The following EYS variants were observed in gnomAD, a reference collection of about 807,000 sequenced individuals.
The protein encoded by EYS is protein eyes shut homolog.
Under a neutral mutation model 282.1 loss-of-function variants are expected in EYS, and 250 were observed. That is an observed-to-expected ratio of 0.89 (90% CI 0.80 to 0.98). EYS has a LOEUF of 0.98. EYS is among the 50% of genes least tolerant of loss of function. The pLI is 0.00. For synonymous variants in EYS, 1,355 were observed against 1,282.9 expected, an observed-to-expected ratio of 1.06 and a Z score of -1.20; for missense variants, 4,016 against 3,709.0, an observed-to-expected ratio of 1.08 and a Z score of -2.15.
chr6:64,643,372 G>A (rs1768240652), intron 22 of EYS, among the ~76,000 whole-genome samples: 1 of 152,128 alleles, frequency 6.6e-6, no homozygotes, highest in Admixed American at 6.5e-5. Context: ...ACTGTTAATT[G>A]TCCTGGGCCA....
chr6:65,362,784 C>T (rs182635928), intron 8 of EYS, among the ~76,000 whole-genome samples: 36 of 152,040 alleles, frequency 2.4e-4, no homozygotes, highest in African/African-American at 7.9e-4. Context: ...TTCTCCAGTG[C>T]TATACTGTTC....
intron 15 of EYS, among the ~76,000 whole-genome samples, chr6:64,923,658 G>A (rs1245297565): frequency 6.6e-6 from 1 of 152,176 alleles, no homozygotes; most frequent in Non-Finnish European, 1.5e-5. Flanking sequence ...TGGGGGTACA[G>A]GTATTGGGTA....
intron 12 of EYS, among the ~76,000 whole-genome samples, chr6:65,278,702 G>C (rs1768132918): frequency 6.6e-6 from 1 of 152,002 alleles, no homozygotes; most frequent in Non-Finnish European, 1.5e-5. Context: ...ATTTGTTGCT[G>C]ACTCTTCTAG....
At chr6:64,178,722 T>C (rs1764704112) in intron 31 of EYS, among the ~76,000 whole-genome samples, 1 of 151,990 alleles carries the variant, frequency 6.6e-6, no homozygotes, top group Non-Finnish European at 1.5e-5. Context: ...TAAAAAGCAC[T>C]TTAAACGCAG....
At chr6:64,684,886 A>G (rs1770035430) in intron 22 of EYS, among the ~76,000 whole-genome samples, 1 of 152,060 alleles carries the variant, frequency 6.6e-6, no homozygotes. Flanking sequence ...TCAATACCAG[A>G]TGGGATAAAT....
chr6:64,018,766 T>A (rs1264933423), intron 33 of EYS, among the ~76,000 whole-genome samples: 1 of 110,922 alleles, frequency 9.0e-6, no homozygotes, highest in South Asian at 3.2e-4. Context: ...AGTGTTTTTT[T>A]TTTTTTTTTT....
intron 26 of EYS, among the ~76,000 whole-genome samples, chr6:64,538,508 T>C (rs934132828): frequency 2.0e-5 from 3 of 152,204 alleles, no homozygotes; most frequent in Non-Finnish European, 4.4e-5. Context: ...ATCTATGCCC[T>C]TAAATCATTT....
intron 12 of EYS, among the ~76,000 whole-genome samples, chr6:65,227,137 G>A (rs1258099720): frequency 1.3e-5 from 2 of 148,228 alleles, no homozygotes; most frequent in Non-Finnish European, 3.0e-5. Context: ...GGAGGCTGAG[G>A]GGAAAAACAA....
intron 22 of EYS, among the ~76,000 whole-genome samples, chr6:64,710,687 C>G (rs60496485): frequency 7.2e-5 from 11 of 152,166 alleles, no homozygotes; most frequent in African/African-American, 2.2e-4. Flanking sequence ...ATAGTCACCA[C>G]CTTGCTTCCT....
chr6:65,387,553 A>G (rs918397064), intron 7 of EYS, among the ~76,000 whole-genome samples: 2 of 151,946 alleles, frequency 1.3e-5, no homozygotes, highest in Non-Finnish European at 2.9e-5. Context: ...TAATAATTTC[A>G]TAAAGCAAAA....
In EYS at chr6:64,054,814, G is replaced by A. The variant is rs1009526374; in HGVS notation, c.6725+11524C>T. ...TATTATAAAGAATAAGTGAGATAGT[G>A]TATAAAAATATTTCATGGTGGCTGT... is the stretch of plus-strand genomic sequence containing the variant. On this transcript the variant is annotated intron_variant, in intron 33 of 42. Transcript: ENST00000503581. Among the ~76,000 whole-genome samples the A allele has an allele frequency of 9.2e-5, 14 of 152,218 alleles. No individual in the cohort carries two copies. The East Asian group carries it at 2.7e-3, about 29-fold the overall frequency.
intron 12 of EYS, among the ~76,000 whole-genome samples, chr6:65,278,108 G>C (rs1042736117): frequency 2.5e-5 from 2 of 79,724 alleles, no homozygotes; most frequent in Non-Finnish European, 5.6e-5. Flanking sequence ...TGGGTCTAGA[G>C]CCTGTTGGCC....
intron 36 of EYS, among the ~76,000 whole-genome samples, chr6:63,837,477 G>T (rs1771838876): frequency 6.6e-6 from 1 of 151,782 alleles, no homozygotes; most frequent in Non-Finnish European, 1.5e-5. Flanking sequence ...CCCAGAAAGG[G>T]GTAAAAATAT....
intron 13 of EYS, among the ~76,000 whole-genome samples, chr6:65,031,859 A>G (rs1019756741): frequency 3.5e-5 from 3 of 85,748 alleles, no homozygotes; most frequent in African/African-American, 2.2e-4. Flanking sequence ...AAGTTAGCAG[A>G]AAAAAAAATA....
intron 31 of EYS, among the ~76,000 whole-genome samples, chr6:64,093,680 T>A (rs1030853466): frequency 6.6e-6 from 1 of 152,158 alleles, no homozygotes; most frequent in African/African-American, 2.4e-5. Flanking sequence ...TTTCTAGATA[T>A]ACAATCATGT....
At chr6:64,798,296 C>T (rs1774422467) in intron 22 of EYS, among the ~76,000 whole-genome samples, 2 of 151,724 alleles carry the variant, frequency 1.3e-5, no homozygotes, top group Admixed American at 6.6e-5. Flanking sequence ...GATGTTAAAA[C>T]ATAATTAATG....
intron 26 of EYS, among the ~76,000 whole-genome samples, chr6:64,455,354 A>G (rs1170827278): frequency 1.3e-5 from 2 of 152,020 alleles, no homozygotes; most frequent in East Asian, 3.9e-4. Flanking sequence ...TGACAATAAG[A>G]TTTCTTTTCT....
At chr6:63,826,706 C>T (rs1010504023) in intron 36 of EYS, among the ~76,000 whole-genome samples, 4 of 151,914 alleles carry the variant, frequency 2.6e-5, no homozygotes, top group African/African-American at 9.7e-5. Flanking sequence ...GAGAATTCAC[C>T]ATTACCAAGC....
At chr6:64,705,734 A>G (rs1179658430) in intron 22 of EYS, among the ~76,000 whole-genome samples, 2 of 149,950 alleles carry the variant, frequency 1.3e-5, no homozygotes, top group African/African-American at 4.9e-5. Flanking sequence ...AGAACAAAAA[A>G]CCAAACACCG....
Sources: allele counts gnomAD v4.1 joint callset (sites outside exome capture counted in the v4.1 genomes callset), GRCh38; gene constraint gnomAD v4.1.1; transcripts MANE v1.5; gene names NCBI Gene and HGNC (gene_info 2026-07-23, HGNC 2026-07-21).